The following XKR9 variants were observed in gnomAD, a reference collection of about 807,000 sequenced individuals.
XKR9 encodes the protein XK-related protein 9.
A neutral mutation model predicts 32.0 loss-of-function variants in XKR9; 32 were observed. The ratio of observed to expected loss-of-function variants is 1.00; its 90% CI spans 0.76 to 1.34. XKR9 has a LOEUF of 1.34. Among genes scored for constraint, XKR9 ranks in the 40% most tolerant of loss-of-function variants. The pLI is 0.00. For missense variants in XKR9, 546 were observed against 429.7 expected (o/e 1.27, Z -2.39); for synonymous variants, 168 against 143.4 (o/e 1.17, Z -1.22).
At chr8:70,780,370 T>C (rs192286096) in intron 2 of XKR9, among the ~76,000 whole-genome samples, 1 of 152,282 alleles carries the variant, frequency 6.6e-6, no homozygotes, top group East Asian at 1.9e-4. Context: ...CATTTAAAGC[T>C]ATAAATTTTC....
intron 4 of XKR9, among the ~76,000 whole-genome samples, chr8:70,712,415 AACCTTAT>A (rs1805949426): frequency 6.6e-6 from 1 of 152,108 alleles, no homozygotes; most frequent in Non-Finnish European, 1.5e-5. Flanking sequence ...GGTTTTACTG[AACCTTAT>A]AAACAATTTC....
the XKR9 span, among the ~76,000 whole-genome samples, chr8:70,895,940 C>T: frequency 2.6e-5 from 4 of 151,832 alleles, no homozygotes; most frequent in South Asian, 2.1e-4. Context: ...CCCAGGAAGT[C>T]GAGGCTGCGG....
chr8:70,678,961 C>T (rs143606190), intron 2 of XKR9, among the ~76,000 whole-genome samples: 2,585 of 152,294 alleles, frequency 0.017, 38 homozygotes, highest in South Asian at 0.031. Context: ...CAGAATACCA[C>T]AGACTTATTA....
At chr8:70,933,674 AT>A in the XKR9 span, among the ~76,000 whole-genome samples, 2 of 152,150 alleles carry the variant, frequency 1.3e-5, no homozygotes, top group East Asian at 1.9e-4. Context: ...AAAAATGAAG[AT>A]TCCTATGCCT....
chr8:70,851,733 C>G, the XKR9 span, among the ~76,000 whole-genome samples: 1 of 152,050 alleles, frequency 6.6e-6, no homozygotes, highest in African/African-American at 2.4e-5. Context: ...TAGCCATATG[C>G]AGAAAGCTGA....
chr8:70,812,067 G>A, the XKR9 span, among the ~76,000 whole-genome samples: 9,399 of 152,132 alleles, frequency 0.062, 434 homozygotes, highest in Non-Finnish European at 0.087. Flanking sequence ...ACCGAATCCA[G>A]CAGCACATCA....
the XKR9 span, among the ~76,000 whole-genome samples, chr8:70,812,616 A>G: frequency 7.9e-5 from 12 of 152,206 alleles, no homozygotes; most frequent in Non-Finnish European, 1.5e-4. Context: ...AAATCAATGT[A>G]CAAAAATTAC....
At chr8:70,869,554 C>T in the XKR9 span, among the ~76,000 whole-genome samples, 1 of 152,148 alleles carries the variant, frequency 6.6e-6, no homozygotes, top group South Asian at 2.1e-4. Context: ...TCCCACAACA[C>T]GTGGGAATTC....
intron 2 of XKR9, among the ~76,000 whole-genome samples, chr8:70,775,919 A>T (rs1444063229): frequency 2.0e-5 from 3 of 151,670 alleles, no homozygotes; most frequent in Non-Finnish European, 4.4e-5. Context: ...TAAGTTTTAA[A>T]TTTTTTTGTC....
the XKR9 span, among the ~76,000 whole-genome samples, chr8:70,871,665 C>T: frequency 6.6e-6 from 1 of 152,090 alleles, no homozygotes; most frequent in Non-Finnish European, 1.5e-5. Context: ...TCTCCTTGGG[C>T]CTTCCTGTTC....
At chr8:70,900,879 A>G in the XKR9 span, among the ~76,000 whole-genome samples, 19 of 152,166 alleles carry the variant, frequency 1.2e-4, no homozygotes, top group African/African-American at 3.9e-4. Flanking sequence ...TCATTGTTCA[A>G]TTCCCACCTA....
chr8:70,692,470 A>G lies in XKR9; in HGVS notation c.272+11140A>G, dbSNP rs186665512. On this transcript the variant is annotated intron_variant, in intron 3 of 4. Coordinates refer to ENST00000408926, the MANE Select transcript of XKR9 (RefSeq NM_001011720.2). ...CCAATACTATGTTGAATAGAAGTGG[A>G]GAGAGAGGGCATCCTTGTCTTGTAC... Among the ~76,000 whole-genome samples, 3 of 152,098 alleles carry G rather than the reference A, an allele frequency of 2.0e-5. No individual in the cohort carries two copies. In the East Asian group the frequency reaches 5.8e-4, roughly 29 times the overall value.
the XKR9 span, among the ~76,000 whole-genome samples, chr8:70,945,382 G>A: frequency 1.3e-5 from 2 of 152,204 alleles, no homozygotes; most frequent in African/African-American, 4.8e-5. Context: ...TACATTAAAT[G>A]AGAAATGAAA....
chr8:70,914,113 C>T, the XKR9 span, among the ~76,000 whole-genome samples: 2 of 152,058 alleles, frequency 1.3e-5, no homozygotes, highest in African/African-American at 4.8e-5. Context: ...TGCTGAGACT[C>T]GAATGCAGTG....
chr8:70,890,728 A>C, the XKR9 span, among the ~76,000 whole-genome samples: 1 of 151,896 alleles, frequency 6.6e-6, no homozygotes, highest in Middle Eastern at 3.2e-3. Flanking sequence ...AGGATTTTGC[A>C]TCTATCATCA....
the XKR9 span, among the ~76,000 whole-genome samples, chr8:70,947,360 GACAAGGAGAATAGAGAAAGTTCAA>G: frequency 2.0e-5 from 3 of 152,148 alleles, no homozygotes; most frequent in East Asian, 3.9e-4. Flanking sequence ...GTGACCATGT[GACAAGGAGAATAGAGAAAGTTCAA>G]ACAAGGAGAC....
At chr8:70,879,256 C>A in the XKR9 span, among the ~76,000 whole-genome samples, 23 of 151,942 alleles carry the variant, frequency 1.5e-4, no homozygotes, top group African/African-American at 5.1e-4. Flanking sequence ...ACTAGAGAAG[C>A]AAGAGCAAAC....
chr8:70,758,489 C>T (rs1168080839), intron 2 of XKR9, among the ~76,000 whole-genome samples: 1 of 152,086 alleles, frequency 6.6e-6, no homozygotes, highest in Non-Finnish European at 1.5e-5. Context: ...GTCTTATTCC[C>T]CAGTTCTTTC....
At chr8:70,766,900 T>C (rs2130222155) in intron 2 of XKR9, among the ~76,000 whole-genome samples, 1 of 152,350 alleles carries the variant, frequency 6.6e-6, no homozygotes, top group East Asian at 1.9e-4. Context: ...AAATTATGTT[T>C]ATTGATTTGT....
Sources: allele counts gnomAD v4.1 joint callset (sites outside exome capture counted in the v4.1 genomes callset), GRCh38; gene constraint gnomAD v4.1.1; transcripts MANE v1.5; gene names NCBI Gene and HGNC (gene_info 2026-07-23, HGNC 2026-07-21).